KCNB2: variants seen among roughly 807,000 people sequenced by gnomAD.
The protein encoded by KCNB2 is delayed rectifier potassium channel protein.
In KCNB2, 15 loss-of-function variants were observed where a neutral mutation model predicts 61.5. The ratio of observed to expected loss-of-function variants is 0.24; its 90% confidence interval spans 0.16 to 0.38. The LOEUF is 0.38. Among genes scored for constraint, KCNB2 ranks in the 10% least tolerant of loss-of-function variants. The pLI is 1.00. For synonymous variants in KCNB2, 457 were observed against 446.0 expected (o/e 1.02, Z -0.31); for missense variants, 828 against 1,125.2 (o/e 0.74, Z 3.78).
chr8:72,914,145 C>A (rs1212949901), intron 2 of KCNB2, among the ~76,000 whole-genome samples: 6 of 152,172 alleles, frequency 3.9e-5, no homozygotes, highest in Non-Finnish European at 7.3e-5. Flanking sequence ...CTCACTGTGT[C>A]CTCACATGTG....
chr8:72,910,485 A>G (rs148331992), intron 2 of KCNB2, among the ~76,000 whole-genome samples: 1 of 152,314 alleles, frequency 6.6e-6, no homozygotes, highest in Non-Finnish European at 1.5e-5. Flanking sequence ...GGGCATACAC[A>G]ATAGAGATTG....
intron 2 of KCNB2, among the ~76,000 whole-genome samples, chr8:72,771,332 G>A (rs1285839568): frequency 6.6e-6 from 1 of 152,182 alleles, no homozygotes; most frequent in Non-Finnish European, 1.5e-5. Context: ...TAATTTGCCT[G>A]CCTGCAGATA....
At chr8:72,609,563 G>T (rs887861133) in intron 2 of KCNB2, among the ~76,000 whole-genome samples, 2 of 152,056 alleles carry the variant, frequency 1.3e-5, no homozygotes, top group African/African-American at 4.8e-5. Flanking sequence ...AGAATTTTCT[G>T]TTGCCCTTTT....
chr8:72,624,978 G>A (rs1312714234), intron 2 of KCNB2, among the ~76,000 whole-genome samples: 1 of 152,196 alleles, frequency 6.6e-6, no homozygotes, highest in African/African-American at 2.4e-5. Context: ...AAGTCCTCAA[G>A]ATCACATACA....
intron 2 of KCNB2, among the ~76,000 whole-genome samples, chr8:72,674,622 T>TA (rs1806620178): frequency 6.6e-6 from 1 of 152,250 alleles, no homozygotes; most frequent in Non-Finnish European, 1.5e-5. Flanking sequence ...GATGTGAAGT[T>TA]ATATGCTTAA....
At chr8:72,928,953 T>TA (rs1739443957) in intron 2 of KCNB2, among the ~76,000 whole-genome samples, 1 of 150,906 alleles carries the variant, frequency 6.6e-6, no homozygotes, top group Non-Finnish European at 1.5e-5. Flanking sequence ...GTTTTTTTTT[T>TA]ATTGTTTCCC....
intron 2 of KCNB2, among the ~76,000 whole-genome samples, chr8:72,844,897 C>A (rs1270411055): frequency 6.6e-6 from 1 of 152,164 alleles, no homozygotes; most frequent in East Asian, 1.9e-4. Context: ...TCCTTTAGCT[C>A]AGAGGAGTTT....
chr8:72,679,028 G>T (rs1340435727), intron 2 of KCNB2, among the ~76,000 whole-genome samples: 1 of 152,022 alleles, frequency 6.6e-6, no homozygotes, highest in Non-Finnish European at 1.5e-5. Context: ...GTCAATGAAT[G>T]ATTTTTTTAA....
chr8:72,804,015 C>A (rs141198776), intron 2 of KCNB2, among the ~76,000 whole-genome samples: 1 of 152,094 alleles, frequency 6.6e-6, no homozygotes, highest in Non-Finnish European at 1.5e-5. Flanking sequence ...AATGAACGCA[C>A]GTGAGTGGAC....
At chr8:72,563,392 T>C (rs970638448) in intron 1 of KCNB2, among the ~76,000 whole-genome samples, 2 of 152,202 alleles carry the variant, frequency 1.3e-5, no homozygotes, top group Non-Finnish European at 2.9e-5. Flanking sequence ...CAGAGCCCCT[T>C]TTATGATCCC....
chr8:72,799,312 C>T (rs921512813), intron 2 of KCNB2, among the ~76,000 whole-genome samples: 21 of 152,162 alleles, frequency 1.4e-4, no homozygotes, highest in African/African-American at 4.6e-4. Flanking sequence ...CACTTTCCTC[C>T]TGACCCCCAT....
Position 72,901,250 on chromosome 8 carries a change from G to C in KCNB2, c.580-34685G>C, listed in dbSNP as rs572267879. ...GAGATGACTCTAACAGTACAGTGAG[G>C]GGGAGGTGGCAGACTATCTGAGGGC... On this transcript the variant is annotated intron_variant, in intron 2 of 2. Transcript: ENST00000523207. Among the ~76,000 whole-genome samples, 52 of 152,250 alleles carry C rather than the reference G, an allele frequency of 3.4e-4. No individual in the cohort carries two copies. In the Middle Eastern group the frequency reaches 0.01, roughly 30 times the overall value.
At chr8:72,588,000 C>G (rs1483660636) in intron 2 of KCNB2, among the ~76,000 whole-genome samples, 1 of 152,046 alleles carries the variant, frequency 6.6e-6, no homozygotes, top group Non-Finnish European at 1.5e-5. Context: ...ATGTTATGCT[C>G]CTTGTGCACT....
At chr8:72,742,384 G>A (rs1348352278) in intron 2 of KCNB2, among the ~76,000 whole-genome samples, 1 of 152,164 alleles carries the variant, frequency 6.6e-6, no homozygotes, top group Non-Finnish European at 1.5e-5. Context: ...GTTTAGCTAG[G>A]TAGGGGTTGT....
chr8:72,875,435 A>T (rs963251605), intron 2 of KCNB2, among the ~76,000 whole-genome samples: 1 of 152,060 alleles, frequency 6.6e-6, no homozygotes, highest in African/African-American at 2.4e-5. Flanking sequence ...TCAGATGCAT[A>T]TTCAACCTTT....
At chr8:72,754,995 A>G (rs1337263633) in intron 2 of KCNB2, among the ~76,000 whole-genome samples, 2 of 152,194 alleles carry the variant, frequency 1.3e-5, no homozygotes, top group Admixed American at 6.5e-5. Context: ...ATCAAGGCCA[A>G]CATCAACAGT....
chr8:72,756,988 G>A (rs894330220), intron 2 of KCNB2, among the ~76,000 whole-genome samples: 7 of 152,192 alleles, frequency 4.6e-5, no homozygotes, highest in African/African-American at 1.7e-4. Context: ...ATGCTCAGAG[G>A]AGAGTTGGGC....
intron 2 of KCNB2, among the ~76,000 whole-genome samples, chr8:72,906,741 C>T (rs771521611): frequency 9.6e-4 from 146 of 152,252 alleles, no homozygotes; most frequent in Non-Finnish European, 1.8e-3. Context: ...TTAAGTTTTC[C>T]ATTATAAATA....
chr8:72,725,583 A>ATG (rs1563572016), intron 2 of KCNB2, among the ~76,000 whole-genome samples: 20 of 83,208 alleles, frequency 2.4e-4, no homozygotes, highest in Middle Eastern at 5.1e-3. Flanking sequence ...ATGTATATAT[A>ATG]TATGTATGTA....
Sources: allele counts gnomAD v4.1 joint callset (sites outside exome capture counted in the v4.1 genomes callset), GRCh38; gene constraint gnomAD v4.1.1; transcripts MANE v1.5; gene names NCBI Gene and HGNC (gene_info 2026-07-23, HGNC 2026-07-21).